Variants in CEP350 observed in about 807,000 individuals in gnomAD.
The protein encoded by CEP350 is centrosomal protein 350, also known as centrosome-associated protein 350.
Under a neutral mutation model 331.8 loss-of-function variants are expected in CEP350, and 126 were observed. The observed-to-expected ratio is 0.38, with a 90% CI of 0.33 to 0.44. CEP350 has a LOEUF of 0.44. CEP350 is among the 20% of genes least tolerant of loss of function. The pLI is 1.00. For missense variants in CEP350, 3,406 were observed against 3,634.6 expected (o/e 0.94, Z 1.62); for synonymous variants, 1,200 against 1,259.5 (o/e 0.95, Z 1.00).
chr1:180,053,805 A>G lies in CEP350; in HGVS notation c.5045A>G (p.Glu1682Gly), dbSNP rs750559447. 1.9e-6 allele frequency: 3 copies of G among 1,607,816 alleles called. No individual in the cohort carries two copies. In the Admixed American group the frequency reaches 5.0e-5, roughly 27 times the overall value. ...GATAGCTTTTCTAAATTTACTATGG[A>G]GATGGTTCGACAGTATATGAAAGAG... Reference protein sequence around the residue: ...GQDSFSKFTMEMVRQYMKEEE... With the variant: ...GQDSFSKFTMGMVRQYMKEEE... The change falls in exon 24 of 38, where the codon GAG becomes GGG. Residue 1682 changes from glutamate to glycine, a missense_variant. By Grantham distance (98) the Glu-to-Gly change is moderately conservative (BLOSUM62 -2). This residue lies in a region of CEP350 where 104 missense variants were observed against 143.3 expected (regional missense o/e 0.73). Transcript: ENST00000367607.
Position 180,092,605 on chromosome 1 carries a change from T to C in CEP350, c.6509-9T>C. ...TAATTTTGATGTGGTGATTTGTTTT[T>C]TCTTTAAGATGCTTCACTGTCTGGT... On this transcript the variant is annotated splice_polypyrimidine_tract_variant and intron_variant, in intron 33 of 37. Transcript: ENST00000367607. 6.7e-7 allele frequency: 1 copy of C among 1,484,618 alleles called. No individual in the cohort carries two copies. The highest frequency in any genetic ancestry group is 9.0e-7 in the Non-Finnish European group (1 of 1,113,774). The allele number at this position is 1,484,618 out of a possible 1,614,324, so 92.0% of individuals were successfully genotyped here. A position where few individuals can be genotyped will look rare whatever the true frequency, so the allele number is the denominator to read the frequency against.
chr1:180,080,634 G>A lies in CEP350; in HGVS notation c.6097G>A (p.Asp2033Asn), dbSNP rs1159462447. The change falls in exon 30 of 38, where the codon GAT becomes AAT. Residue 2033 changes from aspartate (D) to asparagine (N), a missense_variant. Around this residue, in one of 5 missense-constraint regions of CEP350, gnomAD observed 1,415 missense variants for 1,512.3 expected, o/e 0.94. Coordinates refer to ENST00000367607, the MANE Select transcript of CEP350 (RefSeq NM_014810.5). ...KSHQHCYSWS[D>N]ESLSMTQSET... ...CCATCAGCACTGTTATAGTTGGTCAGATGAGTCATTATCTATGACACAGTC... is the reference window on the plus strand; with the variant it reads ...CCATCAGCACTGTTATAGTTGGTCAAATGAGTCATTATCTATGACACAGTC... 6.2e-7 allele frequency: 1 copy of A among 1,613,850 alleles called. No homozygotes were observed. The highest frequency in any genetic ancestry group is 2.2e-5 in the East Asian group (1 of 44,860).
intron 7 of CEP350, 117 bp downstream of exon 7, chr1:180,003,404 G>A: frequency 2.9e-6 from 2 of 691,316 alleles, no homozygotes; most frequent in Non-Finnish European, 4.8e-6. Flanking sequence ...TAACTGCATG[G>A]CATGCTGAAG....
chr1:179,962,368 C>T (rs550128158), intron 1 of CEP350, among the ~76,000 whole-genome samples: 1 of 152,108 alleles, frequency 6.6e-6, no homozygotes, highest in African/African-American at 2.4e-5. Context: ...TGTATATGTA[C>T]CACATTTTCT....
Position 180,094,657 on chromosome 1 carries a change from A to G in CEP350, c.8511+41A>G, listed in dbSNP as rs370464686. The G allele has an allele frequency of 2.4e-5, 38 of 1,563,816 alleles. No homozygotes were observed. The African/African-American group carries it at 4.4e-4, about 18-fold the overall frequency. On this transcript the variant is annotated intron_variant, in intron 34 of 37. Transcript: ENST00000367607. ...AGAAAAAGTATCAGTATACCTTTTG[A>G]CACTTTTAACAAGGCAACTTACCTT...
intron 8 of CEP350, among the ~76,000 whole-genome samples, chr1:180,008,854 T>C (rs1654429043): frequency 6.6e-6 from 1 of 152,214 alleles, no homozygotes; most frequent in African/African-American, 2.4e-5. Context: ...ATCAGGCATC[T>C]GTTTTTCTAG....
intron 11 of CEP350, among the ~76,000 whole-genome samples, chr1:180,018,476 A>G (rs1655109504): frequency 6.6e-6 from 1 of 152,150 alleles, no homozygotes; most frequent in South Asian, 2.1e-4. Context: ...TTGTATTCCT[A>G]TTACTACCAG....
At chr1:179,983,852 C>G (rs531961379) in intron 1 of CEP350, among the ~76,000 whole-genome samples, 6 of 152,196 alleles carry the variant, frequency 3.9e-5, no homozygotes, top group African/African-American at 1.4e-4. Flanking sequence ...GGTACGTGGG[C>G]AAAGGATAGA....
chr1:180,028,779 G>A (rs557098777), intron 14 of CEP350, among the ~76,000 whole-genome samples: 3 of 152,080 alleles, frequency 2.0e-5, no homozygotes, highest in African/African-American at 4.8e-5. Flanking sequence ...ACTCCAGCCT[G>A]GGCAACAGAG....
In CEP350 at chr1:180,041,814, T is replaced by G. The variant is rs753712501; in HGVS notation, c.4362+12T>G. 11 of 1,607,108 alleles carry G rather than the reference T, an allele frequency of 6.8e-6. No individual in the cohort carries two copies. The Admixed American group carries it at 1.0e-4, about 15-fold the overall frequency. ...GTCAAATCTGTGAGGTAGGTGCCAC[T>G]GAGAACACTTCTCTTTTTACTTCTT... On this transcript the variant is annotated intron_variant, in intron 19 of 37. Transcript: ENST00000367607.
chr1:180,090,638 T>C, intron 32 of CEP350, 76 bp from the exon 33 acceptor site: 1 of 1,330,066 alleles, frequency 7.5e-7, no homozygotes, highest in Non-Finnish European at 1.0e-6. Flanking sequence ...GAAGCAGTTG[T>C]CTAAGAATGT....
At chr1:180,097,822 A>G (rs1310290818) in intron 36 of CEP350, among the ~76,000 whole-genome samples, 1 of 152,204 alleles carries the variant, frequency 6.6e-6, no homozygotes, top group Non-Finnish European at 1.5e-5. Flanking sequence ...TGGTGCTTCA[A>G]AATAAACTAT....
intron 6 of CEP350, among the ~76,000 whole-genome samples, chr1:179,997,421 T>C (rs536541418): frequency 6.6e-6 from 1 of 151,658 alleles, no homozygotes; most frequent in South Asian, 2.1e-4. Flanking sequence ...TGGGCCCCCA[T>C]AGTCCCAACT....
intron 27 of CEP350, among the ~76,000 whole-genome samples, chr1:180,070,216 A>G (rs1014687926): frequency 1.3e-5 from 2 of 152,170 alleles, no homozygotes; most frequent in African/African-American, 4.8e-5. Context: ...AGAACTGTAA[A>G]TGTTTCTTCT....
Position 180,016,034 on chromosome 1 carries a change from G to A in CEP350, c.2174+64G>A, listed in dbSNP as rs1366235429. ...CATGAAATTTAGCGGAGTGGTCTAT[G>A]TTCAGAGAATTTTGTTGACTTTTGT... On this transcript the variant is annotated intron_variant, in intron 11 of 37. Coordinates refer to ENST00000367607, the MANE Select transcript of CEP350 (RefSeq NM_014810.5). The A allele has an allele frequency of 9.5e-6, 15 of 1,578,898 alleles. No homozygotes were observed. In the East Asian group the frequency reaches 3.1e-4, roughly 33 times the overall value.
At chr1:180,063,602 AG>A (rs1658375253) in intron 26 of CEP350, among the ~76,000 whole-genome samples, 1 of 151,502 alleles carries the variant, frequency 6.6e-6, no homozygotes, top group Non-Finnish European at 1.5e-5. Context: ...GCTTGAGCTC[AG>A]GAGTTTGAGA....
chr1:180,062,062 C>T (rs896465590), intron 25 of CEP350, among the ~76,000 whole-genome samples, 158 bp from the exon 26 acceptor site: 6 of 151,716 alleles, frequency 4.0e-5, no homozygotes, highest in Non-Finnish European at 7.4e-5. Flanking sequence ...TGATTTATTT[C>T]CTCCCTCACT....
chr1:180,089,582 CAAAAAAA>C (rs71660691), intron 32 of CEP350, among the ~76,000 whole-genome samples: 3 of 86,198 alleles, frequency 3.5e-5, no homozygotes, highest in African/African-American at 9.0e-5. Flanking sequence ...GACTCCATCT[CAAAAAAA>C]AAAAAAAAAA....
chr1:180,107,007 A>G (rs1661184061), intron 37 of CEP350, among the ~76,000 whole-genome samples: 1 of 152,054 alleles, frequency 6.6e-6, no homozygotes, highest in Non-Finnish European at 1.5e-5. Flanking sequence ...CTTTGAACAT[A>G]ATTATTATAT....
Sources: allele counts gnomAD v4.1 joint callset (sites outside exome capture counted in the v4.1 genomes callset), GRCh38; gene constraint gnomAD v4.1.1; regional missense constraint gnomAD v4.1.1; transcripts MANE v1.5; gene names NCBI Gene and HGNC (gene_info 2026-07-23, HGNC 2026-07-21).